Variants in NEB observed in about 807,000 individuals in gnomAD.
NEB encodes nebulin.
NEB carries 512 observed loss-of-function variants against 952.2 expected under a neutral mutation model. The ratio of observed to expected loss-of-function variants is 0.54; its 90% CI spans 0.50 to 0.58. The LOEUF is 0.58. NEB is among the 20% of genes least tolerant of loss of function. NEB has a pLI of 0.00. For synonymous variants in NEB, 2,900 were observed against 3,149.8 expected (o/e 0.92, Z 2.66); for missense variants, 8,428 against 9,231.1 (o/e 0.91, Z 3.56).
At chr2:151,643,495 TA>T (rs1260237556) in intron 57 of NEB, 142 bp from the exon 58 acceptor site, 1 of 852,710 alleles carries the variant, frequency 1.2e-6, no homozygotes, top group African/African-American at 1.7e-5. Context: ...TAGAAAATTC[TA>T]AATTTTTGGT....
chr2:151,536,010 G>C (rs1275707623), intron 141 of NEB, among the ~76,000 whole-genome samples: 2 of 152,104 alleles, frequency 1.3e-5, no homozygotes, highest in African/African-American at 4.8e-5. Context: ...AGGCTCCATC[G>C]ATCTTCCCAC....
chr2:151,722,087 T>C (rs571436287), intron 9 of NEB, among the ~76,000 whole-genome samples: 10 of 152,296 alleles, frequency 6.6e-5, no homozygotes, highest in Admixed American at 2.0e-4. Flanking sequence ...GATCAGACCA[T>C]AGATTCCATT....
chr2:151,628,052 C>T (rs1027216380), intron 68 of NEB, among the ~76,000 whole-genome samples: 1 of 152,132 alleles, frequency 6.6e-6, no homozygotes, highest in African/African-American at 2.4e-5. Context: ...AGTCTAACAG[C>T]AACAGTCTAA....
At chr2:151,659,013 C>G (rs2154157288) in intron 47 of NEB, 52 bp downstream of exon 47, 1 of 1,238,624 alleles carries the variant, frequency 8.1e-7, no homozygotes, top group African/African-American at 1.5e-5. Flanking sequence ...TTTGTTCTTA[C>G]TGGTTCAAAT....
At chr2:151,551,367 G>A (rs1224849462) in intron 129 of NEB, among the ~76,000 whole-genome samples, 1 of 152,172 alleles carries the variant, frequency 6.6e-6, no homozygotes, top group African/African-American at 2.4e-5. Flanking sequence ...AAATATGCAG[G>A]TGGGATCCAG....
chr2:151,727,741 T>A lies in NEB; in HGVS notation c.244A>T (p.Met82Leu). The A allele has an allele frequency of 1.2e-6, 2 of 1,613,682 alleles. No individual in the cohort carries two copies. Among genetic ancestry groups the A allele is most frequent in the Non-Finnish European group, 1.7e-6 (2 of 1,179,690 alleles). ...TGACTGTGTGCAATGTAGGGGGTCA[T>A]GAACTTTGAAGGATCCACTTTCTTC... Reference protein sequence around the residue: ...IRKKVDPSKFMTPYIAHSQKM... With the variant: ...IRKKVDPSKFLTPYIAHSQKM... The change falls in exon 5 of 182, where the codon ATG becomes TTG. Residue 82 changes from methionine to leucine, a missense_variant. Transcript: ENST00000397345.
intron 126 of NEB, 32 bp downstream of exon 126, chr2:151,553,795 CG>C: frequency 6.4e-7 from 1 of 1,570,932 alleles, no homozygotes; most frequent in Non-Finnish European, 8.7e-7. Flanking sequence ...GGGGCGGGGC[CG>C]TGGAGGGGTA....
In NEB at chr2:151,674,575, T is replaced by A; in HGVS notation, c.3889A>T (p.Lys1297Ter). ...GCTATTAAGTCATACCAATCCCGTTTATAACAGACCTGGACAGAAAAGCAA... is the reference window on the plus strand; with the variant it reads ...GCTATTAAGTCATACCAATCCCGTTAATAACAGACCTGGACAGAAAAGCAA... Reference protein sequence around the residue: ...NAYNISDVCYKRDWYDLIAKG... With the variant: ...NAYNISDVCY Residue 1297 changes from lysine to a stop codon, truncating the protein, a stop_gained, in exon 36 of 182, where the codon AAA becomes TAA. Coordinates refer to ENST00000397345, the MANE Select transcript of NEB (RefSeq NM_001164508.2). LOFTEE classifies it high-confidence loss of function. 1 of 1,609,738 alleles carries A rather than the reference T, an allele frequency of 6.2e-7. No homozygotes were observed. The highest frequency in any genetic ancestry group is 8.5e-7 in the Non-Finnish European group (1 of 1,176,060).
intron 110 of NEB, 45 bp from the exon 111 acceptor site, chr2:151,568,761 A>G (rs1253034950): frequency 7.4e-7 from 1 of 1,352,306 alleles, no homozygotes; most frequent in South Asian, 1.3e-5. Flanking sequence ...ATTCCTAGAC[A>G]TGTGTGAACT....
chr2:151,550,266 C>CAAAAAAAAAAAAAAAAA, intron 129 of NEB, among the ~76,000 whole-genome samples: 1 of 73,366 alleles, frequency 1.4e-5, no homozygotes. Context: ...ACCCTGTCTC[C>CAAAAAAAAAAAAAAAAA]AAAAAAAAAA....
At chr2:151,514,106 C>T (rs1335016502) in intron 159 of NEB, among the ~76,000 whole-genome samples, 2 of 152,096 alleles carry the variant, frequency 1.3e-5, no homozygotes, top group African/African-American at 2.4e-5. Context: ...ATTATGATAA[C>T]CACTACAGAA....
intron 41 of NEB, 44 bp from the exon 42 acceptor site, chr2:151,665,583 C>A: frequency 6.9e-7 from 1 of 1,451,750 alleles, no homozygotes; most frequent in Non-Finnish European, 9.3e-7. Flanking sequence ...AGAGTCAGGG[C>A]TTGTGTTTCT....
At chr2:151,576,385 T>C in intron 105 of NEB, 31 bp from the exon 106 acceptor site, 1 of 1,545,426 alleles carries the variant, frequency 6.5e-7, no homozygotes. Flanking sequence ...AGAAGCAGGG[T>C]TTGTGTTTTG....
intron 77 of NEB, among the ~76,000 whole-genome samples, chr2:151,612,906 C>T (rs1158160987): frequency 1.3e-5 from 2 of 152,174 alleles, no homozygotes; most frequent in Non-Finnish European, 2.9e-5. Context: ...TCACAGAGTA[C>T]ATCTCTCTTT....
At position 151,642,694 on chromosome 2, in the gene NEB, T is replaced by C; in HGVS notation, c.8266-13A>G. On this transcript the variant is annotated splice_polypyrimidine_tract_variant and intron_variant, in intron 59 of 181. Transcript: ENST00000397345. ...GCTTATACAATTTCTAAAATAGACA[T>C]TAATAGTAAGTTGGATTTATAAAGT... is the stretch of plus-strand genomic sequence containing the variant. 1 of 1,612,286 alleles carries C rather than the reference T, an allele frequency of 6.2e-7. No homozygotes were observed. The highest frequency in any genetic ancestry group is 1.1e-5 in the South Asian group (1 of 90,826).
Position 151,684,901 on chromosome 2 carries a change from T to C in NEB, c.2712A>G (p.Gln904=), listed in dbSNP as rs1576289289. The C allele has an allele frequency of 6.2e-7, 1 of 1,613,334 alleles. No individual in the cohort carries two copies. Among genetic ancestry groups the C allele is most frequent in the Non-Finnish European group, 8.5e-7 (1 of 1,179,580 alleles). The change falls in exon 28 of 182, where the codon CAA becomes CAG. Residue 904 remains glutamine (Q), a synonymous_variant. Transcript: ENST00000397345. Reference sequence around the variant, plus strand: ...TGGCAATTGCCTGAGATTTCTTAGCTTGAGTGACTTGGAGCATATCAAGAG... The same window carrying C: ...TGGCAATTGCCTGAGATTTCTTAGCCTGAGTGACTTGGAGCATATCAAGAG... ...TAPLDMLQVT[Q]AKKSQAIASD... is the part of the protein sequence containing the mutation.
In NEB at chr2:151,592,049, A is replaced by G. The variant is rs71415153; in HGVS notation, c.14811T>C (p.Ala4937=). 2,202 of 1,547,756 alleles carry G rather than the reference A, an allele frequency of 1.4e-3. 42 individuals carry two copies. The East Asian group carries it at 0.032, about 23-fold the overall frequency. The change falls in exon 95 of 182, where the codon GCT becomes GCC. Residue 4937 remains alanine, a synonymous_variant. Coordinates refer to ENST00000397345, the MANE Select transcript of NEB (RefSeq NM_001164508.2). ...TPLMLQSKIN[A]LQISNKRYQQ... is the part of the protein sequence containing the mutation. ...GCTGTCTTACATTGCTGATCTGCAG[A>G]GCATTGATTTTGGATTGCAGCATCA... is the stretch of plus-strand genomic sequence containing the variant.
chr2:151,491,286 G>A (rs903207407), intron 179 of NEB: 2 of 165,182 alleles, frequency 1.2e-5, no homozygotes, highest in African/African-American at 2.4e-5. Flanking sequence ...GAATGAAGTT[G>A]TGCAGCCTGC....
intron 69 of NEB, 74 bp from the exon 70 acceptor site, chr2:151,627,279 C>A: frequency 6.6e-7 from 1 of 1,516,976 alleles, no homozygotes; most frequent in Admixed American, 2.0e-5. Context: ...AAAAATAACA[C>A]TAGAAAGCTT....
Sources: gnomAD v4.1 joint callset for allele counts (sites outside exome capture counted in the v4.1 genomes callset) on GRCh38, gnomAD v4.1.1 for gene constraint, MANE v1.5 for transcripts, NCBI Gene and HGNC (gene_info 2026-07-23, HGNC 2026-07-21) for gene names.